Variants in HOMER1 observed in about 807,000 individuals in gnomAD.
HOMER1 encodes homer scaffold protein 1, also known as homer protein homolog 1.
A neutral mutation model predicts 48.9 loss-of-function variants in HOMER1; 3 were observed. The ratio of observed to expected loss-of-function variants is 0.06; its 90% CI spans 0.03 to 0.16. HOMER1 has a LOEUF of 0.16. Among genes scored for constraint, HOMER1 ranks in the 10% least tolerant of loss-of-function variants. The probability of loss-of-function intolerance (pLI) is 1.00; values close to 1 mark genes in which losing one functional copy is unlikely to be tolerated. For synonymous variants in HOMER1, 134 were observed against 146.4 expected (o/e 0.92, Z 0.61); for missense variants, 247 against 411.4 (o/e 0.60, Z 3.46).
intron 4 of HOMER1, among the ~76,000 whole-genome samples, chr5:79,443,397 T>C (rs967874215): frequency 1.3e-5 from 2 of 152,196 alleles, no homozygotes; most frequent in Non-Finnish European, 2.9e-5. Flanking sequence ...GGTTCCATCT[T>C]AGACCTACTA....
Position 79,500,963 on chromosome 5 carries a change from G to GACACACACACACACACACAC in HOMER1, c.5+11787_5+11806dup, listed in dbSNP as rs140189642. Reference sequence around the variant, plus strand: ...TGTGTGTGTGTGTGTGAGACAGACAGACACACACACACACACACACACACA... The same window carrying GACACACACACACACACACAC: ...TGTGTGTGTGTGTGTGAGACAGACAGACACACACACACACACACACACACACACACACACACACACACACA... On this transcript the variant is annotated intron_variant, in intron 1 of 8. Coordinates refer to ENST00000334082, the MANE Select transcript of HOMER1 (RefSeq NM_004272.5). 2.0e-3 allele frequency among the ~76,000 whole-genome samples: 200 copies of GACACACACACACACACACAC among 101,670 alleles called. 4 individuals are homozygous for GACACACACACACACACACAC. The highest frequency in any genetic ancestry group is 6.1e-3 in the African/African-American group (181 of 29,876). 66.7% of individuals were successfully genotyped at this position (101,670 alleles called of 152,430 possible).
Position 79,512,977 on chromosome 5 carries a change from AAC to A in HOMER1, c.-205_-204del, listed in dbSNP as rs1351933201. ...TCTCTTGTAAATACCAAAACGTTCA[AAC>A]AGAGGCGGCATTTGCTTATTCGAGT... On this transcript the variant is annotated 5_prime_UTR_variant, in exon 1 of 9. The change creates a premature stop within an existing upstream ORF in the 5' untranslated region. Transcript: ENST00000334082. 1.0e-5 allele frequency: 6 copies of A among 585,020 alleles called. No individual in the cohort carries two copies. Among genetic ancestry groups the A allele is most frequent in the African/African-American group, 3.8e-5 (2 of 52,762 alleles). The allele number at this position is 585,020 out of a possible 1,614,324, so 36.2% of individuals were successfully genotyped here.
chr5:79,452,190 C>T (rs1421742459), intron 2 of HOMER1, among the ~76,000 whole-genome samples: 1 of 152,128 alleles, frequency 6.6e-6, no homozygotes, highest in Non-Finnish European at 1.5e-5. Flanking sequence ...ATAATTCAAA[C>T]CAGTGTCATG....
chr5:79,438,505 A>G (rs1159443047), intron 5 of HOMER1, among the ~76,000 whole-genome samples: 2 of 152,202 alleles, frequency 1.3e-5, no homozygotes, highest in Admixed American at 6.5e-5. Flanking sequence ...TAACATTAAC[A>G]AACCCATGCT....
intron 1 of HOMER1, among the ~76,000 whole-genome samples, chr5:79,464,524 A>G (rs903068079): frequency 2.0e-5 from 3 of 152,204 alleles, no homozygotes; most frequent in Non-Finnish European, 2.9e-5. Context: ...GCCACTATGA[A>G]GTGGCATAGC....
intron 8 of HOMER1, among the ~76,000 whole-genome samples, chr5:79,390,410 A>G (rs1457101125): frequency 6.6e-6 from 1 of 152,248 alleles, no homozygotes; most frequent in Non-Finnish European, 1.5e-5. Context: ...TAACCACTAC[A>G]ACAAAACTAA....
At chr5:79,510,192 CAA>C (rs778603970) in intron 1 of HOMER1, among the ~76,000 whole-genome samples, 1 of 139,576 alleles carries the variant, frequency 7.2e-6, no homozygotes. Context: ...ACAGGCTTTC[CAA>C]AAAAAAAAAA....
intron 4 of HOMER1, 34 bp from the exon 5 acceptor site, chr5:79,439,183 T>TA (rs770431234): frequency 3.1e-6 from 5 of 1,609,830 alleles, no homozygotes; most frequent in South Asian, 1.1e-5. Context: ...AAAAAATAGT[T>TA]ACACTTTTGT....
intron 1 of HOMER1, among the ~76,000 whole-genome samples, chr5:79,487,210 C>T (rs1320903656): frequency 2.0e-5 from 3 of 152,122 alleles, no homozygotes; most frequent in African/African-American, 7.2e-5. Context: ...ACCCGGGAGG[C>T]AGAGGTTGCA....
At chr5:79,422,822 G>T (rs1176793276) in intron 5 of HOMER1, among the ~76,000 whole-genome samples, 3 of 145,280 alleles carry the variant, frequency 2.1e-5, no homozygotes, top group Non-Finnish European at 4.5e-5. Flanking sequence ...CTTAAAAGAT[G>T]ATCTCTTTTT....
intron 5 of HOMER1, among the ~76,000 whole-genome samples, chr5:79,423,567 A>AC (rs1750162420): frequency 6.6e-6 from 1 of 152,172 alleles, no homozygotes; most frequent in Admixed American, 6.5e-5. Flanking sequence ...CTATTTAAAG[A>AC]CAGAAATGGC....
At chr5:79,421,372 G>A (rs1750094677) in intron 5 of HOMER1, among the ~76,000 whole-genome samples, 1 of 152,172 alleles carries the variant, frequency 6.6e-6, no homozygotes, top group African/African-American at 2.4e-5. Context: ...GGAACTGAAA[G>A]CTTTAGCCAG....
At chr5:79,454,739 G>GA (rs377496329) in intron 2 of HOMER1, among the ~76,000 whole-genome samples, 291 of 152,166 alleles carry the variant, frequency 1.9e-3, no homozygotes, top group African/African-American at 6.4e-3. Context: ...TGAGTACACA[G>GA]AAAAAACAGA....
intron 1 of HOMER1, among the ~76,000 whole-genome samples, chr5:79,483,873 G>A (rs1752018301): frequency 6.6e-6 from 1 of 151,616 alleles, no homozygotes; most frequent in African/African-American, 2.4e-5. Context: ...TGGCCAACAT[G>A]GTAAAACCCC....
chr5:79,486,237 C>T (rs564720489), intron 1 of HOMER1, among the ~76,000 whole-genome samples: 1 of 152,334 alleles, frequency 6.6e-6, no homozygotes, highest in South Asian at 2.1e-4. Flanking sequence ...GAGATGAGCT[C>T]TCTCTCACAA....
chr5:79,505,772 A>C (rs1160540898), intron 1 of HOMER1, among the ~76,000 whole-genome samples: 1 of 152,234 alleles, frequency 6.6e-6, no homozygotes, highest in Non-Finnish European at 1.5e-5. Context: ...GGGGTTTTAT[A>C]AACAATTTTA....
chr5:79,429,062 T>A (rs1348814930), intron 5 of HOMER1, among the ~76,000 whole-genome samples: 3 of 152,168 alleles, frequency 2.0e-5, no homozygotes, highest in Admixed American at 1.3e-4. Flanking sequence ...ACTACAAAGA[T>A]ACATTAATTA....
intron 1 of HOMER1, among the ~76,000 whole-genome samples, chr5:79,491,649 A>C (rs1223761753): frequency 6.6e-6 from 1 of 152,108 alleles, no homozygotes; most frequent in African/African-American, 2.4e-5. Flanking sequence ...TTTCTTCTTA[A>C]CTACTGAACA....
intron 5 of HOMER1, among the ~76,000 whole-genome samples, chr5:79,437,136 T>C (rs1036881680): frequency 1.3e-5 from 2 of 152,128 alleles, no homozygotes; most frequent in Non-Finnish European, 2.9e-5. Context: ...TACTAAGGAT[T>C]AACAAAATCG....
Sources: gnomAD v4.1 joint callset for allele counts (sites outside exome capture counted in the v4.1 genomes callset) on GRCh38, gnomAD v4.1.1 for gene constraint, MANE v1.5 for transcripts, NCBI Gene and HGNC (gene_info 2026-07-23, HGNC 2026-07-21) for gene names.